PDE1A: variants seen among roughly 807,000 people sequenced by gnomAD.
The protein encoded by PDE1A is phosphodiesterase 1A.
In PDE1A, 35 loss-of-function variants were observed where a neutral mutation model predicts 61.7. That is an observed-to-expected ratio of 0.57 (90% confidence interval 0.43 to 0.75). The LOEUF is 0.75. Ranked by LOEUF, PDE1A falls within the 30% of genes least tolerant of loss-of-function variation. PDE1A has a pLI of 0.00. For synonymous variants in PDE1A, 232 were observed against 213.2 expected, an observed-to-expected ratio of 1.09 and a Z score of -0.77; for missense variants, 597 against 630.6, an observed-to-expected ratio of 0.95 and a Z score of 0.57.
chr2:182,542,780 T>G, the PDE1A span, among the ~76,000 whole-genome samples: 1 of 152,324 alleles, frequency 6.6e-6, no homozygotes, highest in African/African-American at 2.4e-5. Context: ...GTCAAGATAA[T>G]AACTTGGATG....
At chr2:182,531,153 A>G in the PDE1A span, among the ~76,000 whole-genome samples, 1 of 152,046 alleles carries the variant, frequency 6.6e-6, no homozygotes, top group East Asian at 1.9e-4. Flanking sequence ...ACAGATATAG[A>G]TGAATCAAAA....
the PDE1A span, among the ~76,000 whole-genome samples, chr2:182,602,522 G>A: frequency 2.6e-5 from 4 of 152,206 alleles, no homozygotes; most frequent in African/African-American, 7.2e-5. Context: ...TAAAATGATC[G>A]TTAGCTTAAA....
intron 1 of PDE1A, among the ~76,000 whole-genome samples, chr2:182,349,900 AT>A (rs563939360): frequency 3.5e-4 from 53 of 152,098 alleles, no homozygotes; most frequent in South Asian, 2.1e-4. Context: ...TTACTACTGT[AT>A]TTTTTTTAAC....
At chr2:182,609,948 T>C in the PDE1A span, among the ~76,000 whole-genome samples, 1 of 152,090 alleles carries the variant, frequency 6.6e-6, no homozygotes, top group East Asian at 1.9e-4. Flanking sequence ...ATTAGCTGGG[T>C]CTAGTGGCAC....
At chr2:182,666,482 C>T in the PDE1A span, among the ~76,000 whole-genome samples, 1 of 152,022 alleles carries the variant, frequency 6.6e-6, no homozygotes, top group South Asian at 2.1e-4. Flanking sequence ...GTGGCGCATG[C>T]CTGTAATCCC....
At chr2:182,570,168 G>C in the PDE1A span, among the ~76,000 whole-genome samples, 1 of 152,134 alleles carries the variant, frequency 6.6e-6, no homozygotes, top group African/African-American at 2.4e-5. Context: ...GAGATAAAAT[G>C]TTAGTAAAAA....
At chr2:182,655,267 A>G in the PDE1A span, among the ~76,000 whole-genome samples, 1 of 152,128 alleles carries the variant, frequency 6.6e-6, no homozygotes, top group African/African-American at 2.4e-5. Context: ...TTCTAACTCC[A>G]TTCCTCAATA....
intron 13 of PDE1A, among the ~76,000 whole-genome samples, chr2:182,178,525 G>A (rs1574579910): frequency 6.6e-6 from 1 of 152,222 alleles, no homozygotes; most frequent in South Asian, 2.1e-4. Flanking sequence ...CCATCCCTGT[G>A]CATTTTGAGT....
At position 182,194,549 on chromosome 2, in the gene PDE1A, C is replaced by T. The variant is rs569240663; in HGVS notation, c.1126-5489G>A. 8.0e-4 allele frequency among the ~76,000 whole-genome samples: 122 copies of T among 152,192 alleles called. 1 individual carries two copies. Among genetic ancestry groups the T allele is most frequent in the South Asian group, 1.2e-3 (6 of 4,818 alleles). On this transcript the variant is annotated intron_variant, in intron 10 of 13. Coordinates refer to ENST00000351439, the Ensembl canonical transcript of PDE1A. ...CGAAAATGCCTTGGAAATGAGAACTCGCTCTACTGCCTTTTACCATTAGCA... is the reference window on the plus strand; with the variant it reads ...CGAAAATGCCTTGGAAATGAGAACTTGCTCTACTGCCTTTTACCATTAGCA...
chr2:182,667,116 C>G, the PDE1A span, among the ~76,000 whole-genome samples: 1 of 152,164 alleles, frequency 6.6e-6, no homozygotes, highest in Non-Finnish European at 1.5e-5. Flanking sequence ...ATCCATCACT[C>G]TCCACTAGGT....
the PDE1A span, among the ~76,000 whole-genome samples, chr2:182,700,721 CAAAAAAAAAA>C: frequency 1.3e-3 from 32 of 24,004 alleles, no homozygotes; most frequent in Non-Finnish European, 2.7e-3. Context: ...GACTCCATCT[CAAAAAAAAAA>C]AAAAAAAAAC....
rs1351823320 is a variant in PDE1A, at chr2:182,176,539, T to A, written c.1517-8249A>T. 2.3e-4 allele frequency among the ~76,000 whole-genome samples: 34 copies of A among 145,744 alleles called. 1 individual carries two copies. Among genetic ancestry groups the A allele is most frequent in the African/African-American group, 7.7e-4 (29 of 37,714 alleles). On this transcript the variant is annotated intron_variant, in intron 13 of 13. Coordinates refer to ENST00000351439, the Ensembl canonical transcript of PDE1A. ...GTGATTTTTGTACATTGATTTTGTA[T>A]CCTGAGACTTTGCTGAAGTTGCTTA...
chr2:182,612,558 A>G, the PDE1A span, among the ~76,000 whole-genome samples: 2 of 152,302 alleles, frequency 1.3e-5, no homozygotes, highest in African/African-American at 4.8e-5. Context: ...ACAACAAAAA[A>G]CACCTTGTAT....
intron 1 of PDE1A, among the ~76,000 whole-genome samples, chr2:182,366,906 A>G (rs1485686668): frequency 6.6e-6 from 1 of 152,086 alleles, no homozygotes; most frequent in African/African-American, 2.4e-5. Context: ...GTAAAGCATC[A>G]TCGTCACAAG....
At chr2:182,562,607 T>C in the PDE1A span, among the ~76,000 whole-genome samples, 545 of 152,270 alleles carry the variant, frequency 3.6e-3, 2 homozygotes, top group Non-Finnish European at 5.4e-3. Flanking sequence ...TTTCTATTGA[T>C]TGGAATAGTT....
the PDE1A span, among the ~76,000 whole-genome samples, chr2:182,541,470 C>A: frequency 6.6e-6 from 1 of 152,150 alleles, no homozygotes; most frequent in Non-Finnish European, 1.5e-5. Flanking sequence ...ACATAAAGGA[C>A]TAACCACAGA....
chr2:182,715,119 AGT>A, the PDE1A span, among the ~76,000 whole-genome samples: 1 of 152,156 alleles, frequency 6.6e-6, no homozygotes, highest in African/African-American at 2.4e-5. Flanking sequence ...ATTTTGTTAC[AGT>A]GTGTAACAAA....
the PDE1A span, among the ~76,000 whole-genome samples, chr2:182,557,151 C>T: frequency 2.7e-3 from 416 of 152,036 alleles, 5 homozygotes; most frequent in African/African-American, 9.5e-3. Flanking sequence ...AAAAATTAGC[C>T]GGGAGAATCA....
the PDE1A span, among the ~76,000 whole-genome samples, chr2:182,540,382 AAAAGC>A: frequency 2.9e-5 from 4 of 138,638 alleles, no homozygotes; most frequent in African/African-American, 7.9e-5. Context: ...AAAAAAAAAA[AAAAGC>A]AGCAGCAGCA....
Sources: allele counts gnomAD v4.1 joint callset (sites outside exome capture counted in the v4.1 genomes callset), GRCh38; gene constraint gnomAD v4.1.1; transcripts MANE v1.5; gene names NCBI Gene and HGNC (gene_info 2026-07-23, HGNC 2026-07-21).